Variants in ADORA2B observed in about 807,000 individuals in gnomAD.
ADORA2B encodes the protein adenosine A2b receptor, also known as adenosine receptor A2b.
ADORA2B carries 18 observed loss-of-function variants against 20.8 expected under a neutral mutation model. The ratio of observed to expected loss-of-function variants is 0.87; its 90% CI spans 0.60 to 1.29. The LOEUF (loss-of-function observed/expected upper bound fraction) is 1.29. Ranked by LOEUF, ADORA2B falls within the 50% of genes most tolerant of loss-of-function variation. The pLI, the probability that ADORA2B is intolerant of heterozygous loss-of-function variation, is 0.00. For missense variants in ADORA2B, 441 were observed against 422.7 expected, an observed-to-expected ratio of 1.04 and a Z score of -0.38; for synonymous variants, 179 against 178.3, an observed-to-expected ratio of 1.00 and a Z score of -0.03.
chr17:15,876,846 G>A, the ADORA2B span, among the ~76,000 whole-genome samples: 2 of 152,058 alleles, frequency 1.3e-5, no homozygotes, highest in Admixed American at 6.5e-5. Context: ...TCACATTGTT[G>A]TGTAACCAAT....
chr17:15,891,232 A>G, the ADORA2B span, among the ~76,000 whole-genome samples: 1 of 152,194 alleles, frequency 6.6e-6, no homozygotes, highest in African/African-American at 2.4e-5. Flanking sequence ...CACCACCTGC[A>G]CTCCAGCCTG....
chr17:15,925,577 G>A, the ADORA2B span, among the ~76,000 whole-genome samples: 2 of 152,202 alleles, frequency 1.3e-5, no homozygotes, highest in East Asian at 1.9e-4. Context: ...TCAAATAGAG[G>A]TGAAGTAATA....
chr17:15,875,775 T>G, the ADORA2B span, among the ~76,000 whole-genome samples: 25 of 152,154 alleles, frequency 1.6e-4, no homozygotes, highest in South Asian at 5.0e-3. Context: ...TAGACGGAGT[T>G]TCACCATGTT....
chr17:15,920,525 A>G, the ADORA2B span, among the ~76,000 whole-genome samples: 27,606 of 152,090 alleles, frequency 0.18, 2,918 homozygotes, highest in Non-Finnish European at 0.23. Flanking sequence ...GATTGAGACC[A>G]TCCTGGCCAA....
In ADORA2B at chr17:15,974,687, G is replaced by A; in HGVS notation, c.344G>A (p.Ser115Asn). The change falls in exon 2 of 2, where the codon AGT becomes AAT. Residue 115 changes from serine to asparagine, a missense_variant. Transcript: ENST00000304222. The stretch of plus-strand genomic sequence containing the variant: ...GGTATTCTTTTAAACAGGTATAAAA[G>A]TTTGGTCACGGGGACCCGAGCAAGA... Reference protein sequence around the residue: ...LAICVPLRYKSLVTGTRARGV... With the variant: ...LAICVPLRYKNLVTGTRARGV... 6.2e-7 allele frequency: 1 copy of A among 1,612,976 alleles called. No homozygotes were observed. The highest frequency in any genetic ancestry group is 8.5e-7 in the Non-Finnish European group (1 of 1,179,238).
chr17:15,910,455 TC>T, the ADORA2B span, among the ~76,000 whole-genome samples: 18 of 152,042 alleles, frequency 1.2e-4, no homozygotes, highest in South Asian at 3.7e-3. Flanking sequence ...GTGCCACCAC[TC>T]CTGGATAATT....
chr17:15,964,005 T>A (rs1197394147), intron 1 of ADORA2B, among the ~76,000 whole-genome samples: 3 of 152,216 alleles, frequency 2.0e-5, no homozygotes, highest in Non-Finnish European at 4.4e-5. Context: ...CAGGGCCTCC[T>A]GGGAAGACTC....
chr17:15,969,018 C>G (rs1970153978), intron 1 of ADORA2B, among the ~76,000 whole-genome samples: 1 of 152,216 alleles, frequency 6.6e-6, no homozygotes, highest in African/African-American at 2.4e-5. Context: ...GCTGGCCCAT[C>G]TTCTCACCAC....
chr17:15,853,735 C>T, the ADORA2B span, among the ~76,000 whole-genome samples: 3 of 152,144 alleles, frequency 2.0e-5, no homozygotes, highest in Admixed American at 6.5e-5. Flanking sequence ...GAAGAAATAA[C>T]ACCAATCTTA....
chr17:15,947,612 G>T (rs969419240), intron 1 of ADORA2B, among the ~76,000 whole-genome samples: 2 of 152,214 alleles, frequency 1.3e-5, no homozygotes, highest in Non-Finnish European at 1.5e-5. Context: ...GCAGTCCCCA[G>T]CTCCCTGCCC....
At chr17:15,868,293 T>C in the ADORA2B span, among the ~76,000 whole-genome samples, 2 of 135,690 alleles carry the variant, frequency 1.5e-5, no homozygotes, top group Non-Finnish European at 3.3e-5. Context: ...CTTGTTTATC[T>C]GTTGACCTTC....
At chr17:15,891,409 C>T in the ADORA2B span, among the ~76,000 whole-genome samples, 4 of 152,234 alleles carry the variant, frequency 2.6e-5, no homozygotes, top group East Asian at 1.9e-4. Flanking sequence ...CTTATGTGTG[C>T]GTTTGCTTTG....
At chr17:15,862,211 C>CTTTTTTTTTTTTTTTTTTTTTTTTTTT in the ADORA2B span, among the ~76,000 whole-genome samples, 1 of 96,292 alleles carries the variant, frequency 1.0e-5, no homozygotes, top group African/African-American at 5.5e-5. Flanking sequence ...CTTTTCTTTT[C>CTTTTTTTTTTTTTTTTTTTTTTTTTTT]TTTTTTTTTT....
At chr17:15,923,158 G>A in the ADORA2B span, among the ~76,000 whole-genome samples, 2 of 149,904 alleles carry the variant, frequency 1.3e-5, no homozygotes, top group African/African-American at 4.9e-5. Context: ...GAGTAGCTGG[G>A]ATTGCAGGCA....
At chr17:15,882,474 A>C in the ADORA2B span, among the ~76,000 whole-genome samples, 2 of 152,110 alleles carry the variant, frequency 1.3e-5, no homozygotes. Flanking sequence ...AACGCTTTGG[A>C]AAGTTGAGAC....
chr17:15,893,835 A>G, the ADORA2B span, among the ~76,000 whole-genome samples: 1 of 152,198 alleles, frequency 6.6e-6, no homozygotes, highest in Non-Finnish European at 1.5e-5. Context: ...TACAATCACC[A>G]TAACAAGTGT....
intron 1 of ADORA2B, among the ~76,000 whole-genome samples, chr17:15,968,861 C>T (rs2151608122): frequency 6.6e-6 from 1 of 152,296 alleles, no homozygotes; most frequent in South Asian, 2.1e-4. Flanking sequence ...GCGGTGGCAG[C>T]TGTGCCATGG....
chr17:15,887,010 G>C, the ADORA2B span, among the ~76,000 whole-genome samples: 1 of 131,000 alleles, frequency 7.6e-6, no homozygotes, highest in Non-Finnish European at 1.6e-5. Flanking sequence ...CGATGCCAAA[G>C]CCAGGGAACC....
chr17:15,880,058 G>C, the ADORA2B span, among the ~76,000 whole-genome samples: 1 of 146,558 alleles, frequency 6.8e-6, no homozygotes, highest in Non-Finnish European at 1.5e-5. Flanking sequence ...TAGTTGTGCA[G>C]AAGTAAGGCT....
Sources: gnomAD v4.1 joint callset for allele counts (sites outside exome capture counted in the v4.1 genomes callset) on GRCh38, gnomAD v4.1.1 for gene constraint, MANE v1.5 for transcripts, NCBI Gene and HGNC (gene_info 2026-07-23, HGNC 2026-07-21) for gene names.